The following LRRN3 variants were observed in gnomAD, a reference collection of about 807,000 sequenced individuals.
LRRN3 encodes the protein leucine-rich repeat neuronal protein 3.
A neutral mutation model predicts 40.1 loss-of-function variants in LRRN3; 15 were observed. The observed-to-expected ratio is 0.37, with a 90% CI of 0.25 to 0.58. LRRN3 has a LOEUF of 0.58. Among genes scored for constraint, LRRN3 ranks in the 20% least tolerant of loss-of-function variants. The pLI is 0.72. For synonymous variants in LRRN3, 308 were observed against 297.2 expected, an observed-to-expected ratio of 1.04 and a Z score of -0.37; for missense variants, 746 against 837.7, an observed-to-expected ratio of 0.89 and a Z score of 1.35.
At chr7:111,099,318 G>A (rs1797727456) in intron 1 of LRRN3, among the ~76,000 whole-genome samples, 1 of 151,610 alleles carries the variant, frequency 6.6e-6, no homozygotes, top group Non-Finnish European at 1.5e-5. Context: ...TGATGAAGAT[G>A]AAAATAGTCT....
chr7:111,100,519 A>G (rs925898735), intron 2 of LRRN3, among the ~76,000 whole-genome samples: 7 of 149,424 alleles, frequency 4.7e-5, no homozygotes, highest in Non-Finnish European at 4.5e-5. Flanking sequence ...GTTTTACCAC[A>G]TGGTACAACC....
chr7:111,097,138 G>C (rs1234443010), intron 1 of LRRN3: 1 of 151,810 alleles, frequency 6.6e-6, no homozygotes, highest in Non-Finnish European at 1.5e-5. Context: ...TTAAAGGTTA[G>C]TATCAATAGG....
chr7:111,116,221 C>T (rs556601368), intron 2 of LRRN3, among the ~76,000 whole-genome samples: 2 of 152,194 alleles, frequency 1.3e-5, no homozygotes, highest in African/African-American at 2.4e-5. Flanking sequence ...GGAAACAGCA[C>T]ATGATTTGTT....
At chr7:111,108,038 G>A (rs1798746233) in intron 2 of LRRN3, among the ~76,000 whole-genome samples, 1 of 152,036 alleles carries the variant, frequency 6.6e-6, no homozygotes, top group Non-Finnish European at 1.5e-5. Flanking sequence ...TTACAATACT[G>A]TTTTTGTTTT....
In LRRN3 at chr7:111,125,136, A is replaced by G. The variant is rs1325387947; in HGVS notation, c.*237A>G. 10 of 397,918 alleles carry G rather than the reference A, an allele frequency of 2.5e-5. No homozygotes were observed. Among genetic ancestry groups the G allele is most frequent in the African/African-American group, 4.2e-5 (2 of 47,592 alleles). The allele number at this position is 397,918 out of a possible 1,614,324, so 24.6% of individuals were successfully genotyped here. A position where few individuals can be genotyped will look rare whatever the true frequency, so the allele number is the denominator to read the frequency against. On this transcript the variant is annotated 3_prime_UTR_variant, in exon 3 of 3. Coordinates refer to ENST00000308478, the MANE Select transcript of LRRN3 (RefSeq NM_001099658.2). Reference sequence around the variant, plus strand: ...TGTGGCAACCAAATAAAATAACTCCATTTTCTAAAACTTTCATGTAACTTT... The same window carrying G: ...TGTGGCAACCAAATAAAATAACTCCGTTTTCTAAAACTTTCATGTAACTTT...
At chr7:111,104,429 T>A (rs528722588) in intron 2 of LRRN3, among the ~76,000 whole-genome samples, 1 of 151,980 alleles carries the variant, frequency 6.6e-6, no homozygotes, top group African/African-American at 2.4e-5. Context: ...CTTCTGTTGA[T>A]AATGCTCCAT....
Position 111,123,097 on chromosome 7 carries a change from A to G in LRRN3, c.325A>G (p.Asn109Asp). The change falls in exon 3 of 3, where the codon AAT becomes GAT. Residue 109 changes from asparagine to aspartate, a missense_variant. Asn to Asp is a conservative substitution (Grantham distance 23). Transcript: ENST00000308478. This position sits in a 1 kb window ranked among gnomAD's most constrained non-coding sequence, Gnocchi z 6.4. ...LSQNNLSSVT[N>D]INVKKMPQLL... ...TCAAAACAATTTATCTTCAGTCACC[A>G]ATATTAATGTAAAAAAGATGCCTCA... The G allele has an allele frequency of 6.2e-7, 1 of 1,613,742 alleles. No homozygotes were observed. Among genetic ancestry groups the G allele is most frequent in the Non-Finnish European group, 8.5e-7 (1 of 1,179,854 alleles).
At position 111,112,010 on chromosome 7, in the gene LRRN3, C is replaced by T. The variant is rs374389332; in HGVS notation, c.-358-10405C>T. 1.9e-4 allele frequency among the ~76,000 whole-genome samples: 24 copies of T among 125,268 alleles called. No homozygotes were observed. In the East Asian group the frequency reaches 3.4e-3, roughly 18 times the overall value. 82.2% of individuals were successfully genotyped at this position (125,268 alleles called of 152,430 possible). On this transcript the variant is annotated intron_variant, in intron 2 of 2. Coordinates refer to ENST00000308478, the MANE Select transcript of LRRN3 (RefSeq NM_001099658.2). The stretch of plus-strand genomic sequence containing the variant: ...TCTCCCAGGCTGGAGTGCAGTGGTG[C>T]GATCTCGGCTCACTGCAACCTCTGC...
chr7:111,113,961 T>G (rs1474583468), intron 2 of LRRN3, among the ~76,000 whole-genome samples: 2 of 152,210 alleles, frequency 1.3e-5, no homozygotes, highest in Non-Finnish European at 2.9e-5. Context: ...CCTCTCAATT[T>G]ATGTGAAATG....
chr7:111,111,942 G>GTTTGT (rs1799264812), intron 2 of LRRN3, among the ~76,000 whole-genome samples: 5 of 84,126 alleles, frequency 5.9e-5, no homozygotes, highest in African/African-American at 2.0e-4. Flanking sequence ...TATATAGTTT[G>GTTTGT]TTTTTTTTTT....
In LRRN3 at chr7:111,091,501, C is replaced by G. The variant is rs187746779; in HGVS notation, c.-444C>G. The G allele has an allele frequency of 6.6e-6, 1 of 152,276 alleles. No individual in the cohort carries two copies. The highest frequency in any genetic ancestry group is 6.5e-5 in the Admixed American group (1 of 15,292). 9.4% of individuals were successfully genotyped at this position (152,276 alleles called of 1,614,324 possible). On this transcript the variant is annotated 5_prime_UTR_variant, in exon 1 of 3. Transcript: ENST00000308478. ...GTGGGCTAGCACTGAAACTGCTTTT[C>G]AAGGTAAGTTTAAAATACACATATA...
intron 2 of LRRN3, among the ~76,000 whole-genome samples, chr7:111,106,805 G>T (rs957339313): frequency 1.3e-5 from 2 of 150,670 alleles, no homozygotes; most frequent in African/African-American, 4.9e-5. Flanking sequence ...AAAAAAAATG[G>T]AATCAACACA....
chr7:111,107,366 AAC>A (rs1295000852), intron 2 of LRRN3, among the ~76,000 whole-genome samples: 1 of 152,048 alleles, frequency 6.6e-6, no homozygotes, highest in Admixed American at 6.6e-5. Context: ...TTCTGTTGTA[AAC>A]AGTTTAGATT....
At position 111,122,805 on chromosome 7, in the gene LRRN3, A is replaced by G. The variant is rs748312876; in HGVS notation, c.33A>G (p.Leu11=). ...ACATGCCACTCCGAATTCATGTGCTACTTGGCCTAGCTATCACTACACTAG... is the reference window on the plus strand; with the variant it reads ...ACATGCCACTCCGAATTCATGTGCTGCTTGGCCTAGCTATCACTACACTAG... MKDMPLRIHV[L]LGLAITTLVQ... Residue 11 remains leucine, a synonymous_variant, in exon 3 of 3, where the codon CTA becomes CTG. Transcript: ENST00000308478. 3 of 1,613,476 alleles carry G rather than the reference A, an allele frequency of 1.9e-6. No individual in the cohort carries two copies. In the African/African-American group the frequency reaches 4.0e-5, roughly 22 times the overall value.
At chr7:111,114,521 A>AAAT (rs746338730) in intron 2 of LRRN3, among the ~76,000 whole-genome samples, 20 of 152,148 alleles carry the variant, frequency 1.3e-4, no homozygotes, top group Non-Finnish European at 2.8e-4. Flanking sequence ...GCAGATCATT[A>AAAT]GGTCAGGAGT....
intron 1 of LRRN3, among the ~76,000 whole-genome samples, chr7:111,098,459 G>A (rs1426231486): frequency 6.6e-6 from 1 of 151,666 alleles, no homozygotes; most frequent in African/African-American, 2.4e-5. Flanking sequence ...CTGCTGTTGG[G>A]CAAAATAATC....
rs566499590 is a variant in LRRN3, at chr7:111,105,381, C to A, written c.-359+5419C>A. Among the ~76,000 whole-genome samples the A allele has an allele frequency of 7.9e-5, 12 of 151,938 alleles. No individual in the cohort carries two copies. The East Asian group carries it at 1.7e-3, about 22-fold the overall frequency. On this transcript the variant is annotated intron_variant, in intron 2 of 2. Transcript: ENST00000308478. The stretch of plus-strand genomic sequence containing the variant: ...CAAAGAATGGAATACTAATTCATGA[C>A]AGCATGTTGAAAAGAGCAGATAGAA...
At position 111,123,328 on chromosome 7, in the gene LRRN3, G is replaced by A. The variant is rs1800880491; in HGVS notation, c.556G>A (p.Ala186Thr). The part of the protein sequence containing the change: ...LQMINSKWFD[A>T]LPNLEILMIG... ...GATGATCAACAGTAAGTGGTTTGAT[G>A]CTCTTCCAAATCTAGAGATTCTGAT... The change falls in exon 3 of 3, where the codon GCT becomes ACT. Residue 186 changes from alanine to threonine, a missense_variant. Transcript: ENST00000308478. The surrounding 1 kb of genome is among the most constrained non-coding windows in gnomAD (Gnocchi z 6.4). The A allele has an allele frequency of 6.2e-7, 1 of 1,613,740 alleles. No individual in the cohort carries two copies. The highest frequency in any genetic ancestry group is 8.5e-7 in the Non-Finnish European group (1 of 1,179,900).
chr7:111,101,572 T>C (rs1358876916), intron 2 of LRRN3, among the ~76,000 whole-genome samples: 4 of 151,422 alleles, frequency 2.6e-5, no homozygotes, highest in Admixed American at 2.0e-4. Flanking sequence ...GAGACAATCG[T>C]TCGAATTAAT....
Sources: allele counts gnomAD v4.1 joint callset (sites outside exome capture counted in the v4.1 genomes callset), GRCh38; gene constraint gnomAD v4.1.1; non-coding constraint Gnocchi (gnomAD v3.1); transcripts MANE v1.5; gene names NCBI Gene and HGNC (gene_info 2026-07-23, HGNC 2026-07-21).